The following ZNF365 variants were observed in gnomAD, a reference collection of about 807,000 sequenced individuals.
ZNF365 encodes the protein zinc finger protein 365, also known as protein ZNF365.
In ZNF365, 22 loss-of-function variants were observed where a neutral mutation model predicts 35.0. The ratio of observed to expected loss-of-function variants is 0.63; its 90% confidence interval spans 0.45 to 0.90. ZNF365 has a LOEUF of 0.90. Ranked by LOEUF, ZNF365 falls within the 40% of genes least tolerant of loss-of-function variation. ZNF365 has a pLI of 0.00. For missense variants in ZNF365, 448 were observed against 500.3 expected (o/e 0.90, Z 1.00); for synonymous variants, 188 against 196.2 (o/e 0.96, Z 0.35).
intron 3 of ZNF365, among the ~76,000 whole-genome samples, chr10:62,417,839 C>A (rs1049575909): frequency 6.6e-6 from 1 of 151,512 alleles, no homozygotes; most frequent in African/African-American, 2.4e-5. Context: ...AAAAGACTGA[C>A]TTTTTGTGTG....
intron 3 of ZNF365, among the ~76,000 whole-genome samples, chr10:62,438,211 CAG>C (rs201030925): frequency 0.019 from 2,787 of 148,606 alleles, 78 homozygotes; most frequent in African/African-American, 0.066. Context: ...TTTTTTGAGA[CAG>C]AGTCTCACTC....
chr10:62,428,997 C>T lies in ZNF365; in HGVS notation c.925-30744C>T, dbSNP rs531885114. 1.3e-3 allele frequency among the ~76,000 whole-genome samples: 197 copies of T among 152,288 alleles called. 2 individuals carry two copies. The highest frequency in any genetic ancestry group is 4.2e-3 in the African/African-American group (173 of 41,562). On this transcript the variant is annotated intron_variant, in intron 3 of 4. Transcript: ENST00000395255. ...CTAAACAGAGTTGGAATGAGAGGCA[C>T]GCAGTAGGCACTCGCTAGCTGATGG...
chr10:62,431,534 C>T (rs1407824275), intron 3 of ZNF365, among the ~76,000 whole-genome samples: 1 of 152,088 alleles, frequency 6.6e-6, no homozygotes, highest in Admixed American at 6.6e-5. Context: ...TAGTCTAATG[C>T]ATCTTTTTTG....
chr10:62,446,911 T>A (rs1382803385), intron 3 of ZNF365, among the ~76,000 whole-genome samples: 2 of 152,004 alleles, frequency 1.3e-5, no homozygotes, highest in Non-Finnish European at 1.5e-5. Context: ...CTGAATCAAG[T>A]GGGAAAAGAC....
chr10:62,392,823 G>A (rs1412604874), intron 3 of ZNF365, among the ~76,000 whole-genome samples: 1 of 152,062 alleles, frequency 6.6e-6, no homozygotes, highest in East Asian at 1.9e-4. Context: ...ATAGAGACGG[G>A]GTTTCACCAC....
chr10:62,403,750 A>G (rs1839866574), downstream of ZNF365, among the ~76,000 whole-genome samples: 1 of 152,220 alleles, frequency 6.6e-6, no homozygotes, highest in East Asian at 1.9e-4. Flanking sequence ...AGTTATGTCA[A>G]GGTTAATGGG....
At chr10:62,468,142 G>GT (rs1840974859) in intron 4 of ZNF365, among the ~76,000 whole-genome samples, 1 of 151,920 alleles carries the variant, frequency 6.6e-6, no homozygotes, top group Admixed American at 6.6e-5. Flanking sequence ...TTTGTCATAT[G>GT]ACTACAAAAG....
chr10:62,393,862 A>G (rs1465749750), intron 3 of ZNF365, among the ~76,000 whole-genome samples: 3 of 152,144 alleles, frequency 2.0e-5, no homozygotes, highest in Non-Finnish European at 2.9e-5. Context: ...AGGGAACTGT[A>G]TGAGGGTTGG....
Position 62,399,718 on chromosome 10 carries a change from T to C in ZNF365, c.1153T>C (p.Phe385Leu). 6.2e-7 allele frequency: 1 copy of C among 1,613,846 alleles called. No individual in the cohort carries two copies. The highest frequency in any genetic ancestry group is 2.2e-5 in the East Asian group (1 of 44,884). The change falls in exon 5 of 5, where the codon TTT (phenylalanine) becomes CTT (leucine). Residue 385 changes from phenylalanine (F) to leucine (L), a missense_variant. Physicochemically the swap from Phe to Leu is conservative, Grantham distance 22 (BLOSUM62 0). This residue lies in a region of ZNF365 where 362 missense variants were observed against 375.7 expected (regional missense o/e 0.96). Coordinates refer to ENST00000395254, the MANE Select transcript of ZNF365 (RefSeq NM_014951.3). ...RPPKKGELLG[F>L]GRKGNIRPKM... The stretch of plus-strand genomic sequence containing the variant: ...TCCAAAGAAAGGGGAGCTCCTGGGG[T>C]TTGGCCGCAAAGGCAACATCAGGCC...
At chr10:62,431,827 T>C (rs1840339287) in intron 3 of ZNF365, among the ~76,000 whole-genome samples, 1 of 152,130 alleles carries the variant, frequency 6.6e-6, no homozygotes, top group Admixed American at 6.5e-5. Flanking sequence ...GAGGTTTAAA[T>C]AGCATTTGGG....
chr10:62,442,813 C>T (rs1840523200), intron 3 of ZNF365, among the ~76,000 whole-genome samples: 1 of 152,162 alleles, frequency 6.6e-6, no homozygotes, highest in South Asian at 2.1e-4. Context: ...GCTTTATCCC[C>T]AACATGGGGG....
At chr10:62,476,120 G>T (rs1460268570) in intron 4 of ZNF365, among the ~76,000 whole-genome samples, 1 of 151,472 alleles carries the variant, frequency 6.6e-6, no homozygotes, top group Non-Finnish European at 1.5e-5. Context: ...GTGGGGAAGG[G>T]TTTCTATGGC....
rs1313950752 is a variant in ZNF365, at chr10:62,400,554, G to C, written c.*765G>C. On this transcript the variant is annotated 3_prime_UTR_variant, in exon 5 of 5. Coordinates refer to ENST00000395254, the MANE Select transcript of ZNF365 (RefSeq NM_014951.3). ...TAGCTGCTTCTGTGGATATGGCTGG[G>C]GAGCGAAGTAAAATCCTCTTTTGAT... 44 of 986,002 alleles carry C rather than the reference G, an allele frequency of 4.5e-5. No individual in the cohort carries two copies. The highest frequency in any genetic ancestry group is 5.2e-5 in the Non-Finnish European group (43 of 829,972). 61.1% of individuals were successfully genotyped at this position (986,002 alleles called of 1,614,324 possible).
chr10:62,465,612 T>C (rs1196441169), intron 4 of ZNF365, among the ~76,000 whole-genome samples: 1 of 152,048 alleles, frequency 6.6e-6, no homozygotes. Flanking sequence ...TCAGCTAGAC[T>C]CAGACACTCA....
intron 3 of ZNF365, among the ~76,000 whole-genome samples, chr10:62,397,670 G>A (rs539442507): frequency 6.6e-6 from 1 of 152,330 alleles, no homozygotes; most frequent in South Asian, 2.1e-4. Context: ...GTTATTAGGA[G>A]TGGGAAATCA....
intron 3 of ZNF365, among the ~76,000 whole-genome samples, chr10:62,412,185 A>C (rs2393878): frequency 0.6 from 91,361 of 151,738 alleles, 28,030 homozygotes; most frequent in East Asian, 0.77. Flanking sequence ...AAGACAAATA[A>C]CACAAGATTA....
chr10:62,395,451 C>A (rs1839707847), intron 3 of ZNF365, among the ~76,000 whole-genome samples: 1 of 151,138 alleles, frequency 6.6e-6, no homozygotes, highest in South Asian at 2.1e-4. Context: ...GATTCTCCTG[C>A]CTCAGCCTCC....
intron 2 of ZNF365, among the ~76,000 whole-genome samples, chr10:62,383,166 A>C (rs547537638): frequency 6.6e-6 from 1 of 152,344 alleles, no homozygotes; most frequent in African/African-American, 2.4e-5. Context: ...ATTCAGCAGA[A>C]ATGCATTAAT....
intron 3 of ZNF365, among the ~76,000 whole-genome samples, chr10:62,424,411 C>T (rs949702467): frequency 6.6e-6 from 1 of 152,098 alleles, no homozygotes; most frequent in Non-Finnish European, 1.5e-5. Context: ...AATGAATTAA[C>T]TTCCCTCCTA....
Sources: allele counts gnomAD v4.1 joint callset (sites outside exome capture counted in the v4.1 genomes callset), GRCh38; gene constraint gnomAD v4.1.1; regional missense constraint gnomAD v4.1.1; transcripts MANE v1.5; gene names NCBI Gene and HGNC (gene_info 2026-07-23, HGNC 2026-07-21).